PPARG: variants seen among roughly 807,000 people sequenced by gnomAD.
The protein encoded by PPARG is peroxisome proliferator activated receptor gamma.
In PPARG, 17 loss-of-function variants were observed where a neutral mutation model predicts 39.2. The ratio of observed to expected loss-of-function variants is 0.43; its 90% CI spans 0.30 to 0.65. The LOEUF is 0.65. PPARG is among the 30% of genes least tolerant of loss of function. PPARG has a pLI of 0.13. For synonymous variants in PPARG, 223 were observed against 215.7 expected, an observed-to-expected ratio of 1.03 and a Z score of -0.30; for missense variants, 406 against 585.9, an observed-to-expected ratio of 0.69 and a Z score of 3.17.
intron 6 of PPARG, among the ~76,000 whole-genome samples, chr3:12,414,437 A>G (rs1279303821): frequency 6.6e-6 from 1 of 152,174 alleles, no homozygotes; most frequent in Admixed American, 6.5e-5. Context: ...GGCAACATAC[A>G]TAGCAAGACC....
At chr3:12,328,726 C>T (rs1166778622) in intron 2 of PPARG, among the ~76,000 whole-genome samples, 1 of 152,246 alleles carries the variant, frequency 6.6e-6, no homozygotes, top group Non-Finnish European at 1.5e-5. Flanking sequence ...GGGATGGGCT[C>T]TTGCCCTCTT....
chr3:12,374,352 A>G (rs2049329851), intron 2 of PPARG, among the ~76,000 whole-genome samples: 1 of 152,144 alleles, frequency 6.6e-6, no homozygotes, highest in Admixed American at 6.5e-5. Flanking sequence ...TAATCCCAGC[A>G]CTTTGGGAGG....
intron 2 of PPARG, among the ~76,000 whole-genome samples, chr3:12,378,626 C>T (rs1414622174): frequency 6.6e-6 from 1 of 152,050 alleles, no homozygotes; most frequent in East Asian, 1.9e-4. Flanking sequence ...AAAAGTCGAA[C>T]TCATAAAAGC....
intron 1 of PPARG, among the ~76,000 whole-genome samples, chr3:12,290,898 T>C (rs1427800148): frequency 6.6e-6 from 1 of 152,180 alleles, no homozygotes; most frequent in Non-Finnish European, 1.5e-5. Context: ...TAAAATGACA[T>C]TTTCTGAATG....
chr3:12,340,088 C>G (rs183616222), intron 2 of PPARG, among the ~76,000 whole-genome samples: 1 of 152,334 alleles, frequency 6.6e-6, no homozygotes, highest in Admixed American at 6.5e-5. Context: ...ACTTCCCCTT[C>G]AGGCAGTACA....
At chr3:12,339,733 G>A (rs2048121564) in intron 2 of PPARG, among the ~76,000 whole-genome samples, 1 of 152,190 alleles carries the variant, frequency 6.6e-6, no homozygotes, top group African/African-American at 2.4e-5. Flanking sequence ...TGTAAAGAGG[G>A]TGTTAGTTTA....
chr3:12,409,038 A>G (rs2050781094), intron 6 of PPARG, among the ~76,000 whole-genome samples: 1 of 152,196 alleles, frequency 6.6e-6, no homozygotes. Context: ...GGGCTGCGAA[A>G]TGCTTGATTA....
chr3:12,287,855 C>T (rs1442376781), upstream of PPARG: 8 of 140,720 alleles, frequency 5.7e-5, no homozygotes, highest in Non-Finnish European at 1.3e-4. Context: ...CAGCCGGCGC[C>T]CGCGCCCGCC....
chr3:12,413,339 GT>G (rs2050944813), intron 6 of PPARG, among the ~76,000 whole-genome samples: 1 of 152,154 alleles, frequency 6.6e-6, no homozygotes, highest in African/African-American at 2.4e-5. Flanking sequence ...CACTCTTGCA[GT>G]TTGACAGATC....
chr3:12,398,464 A>G (rs555574857), intron 5 of PPARG, among the ~76,000 whole-genome samples: 41 of 152,356 alleles, frequency 2.7e-4, no homozygotes, highest in African/African-American at 8.9e-4. Context: ...ATTGTGTTAG[A>G]GATGCCTATA....
At chr3:12,308,343 C>CAAAAAAAA (rs57225468) in intron 1 of PPARG, among the ~76,000 whole-genome samples, 1 of 37,286 alleles carries the variant, frequency 2.7e-5, no homozygotes, top group Non-Finnish European at 4.7e-5. Flanking sequence ...GACCCTGTCT[C>CAAAAAAAA]AAAAAAAAAA....
chr3:12,309,856 C>A (rs979708266), intron 1 of PPARG, among the ~76,000 whole-genome samples: 18 of 152,182 alleles, frequency 1.2e-4, no homozygotes, highest in Non-Finnish European at 2.5e-4. Context: ...AGATGAACAG[C>A]CCCTGTCTAA....
chr3:12,323,150 AAAAT>A (rs1351970391), intron 2 of PPARG, among the ~76,000 whole-genome samples: 3 of 152,202 alleles, frequency 2.0e-5, no homozygotes, highest in Admixed American at 1.3e-4. Flanking sequence ...GACTGAATAA[AAAAT>A]AAAGAGGATG....
At chr3:12,398,686 C>A (rs1296386766) in intron 5 of PPARG, among the ~76,000 whole-genome samples, 1 of 152,036 alleles carries the variant, frequency 6.6e-6, no homozygotes, top group African/African-American at 2.4e-5. Context: ...CAGCAGGAAC[C>A]AGGACAAGAA....
chr3:12,346,696 G>A (rs1385035322), intron 2 of PPARG, among the ~76,000 whole-genome samples: 4 of 151,384 alleles, frequency 2.6e-5, no homozygotes, highest in Non-Finnish European at 5.9e-5. Context: ...GTGCAGTGAT[G>A]CGATTACAGC....
chr3:12,341,816 GA>G (rs138502109), intron 2 of PPARG, among the ~76,000 whole-genome samples: 18,743 of 151,484 alleles, frequency 0.12, 1,385 homozygotes, highest in East Asian at 0.29. Flanking sequence ...CTCAAAAAAA[GA>G]AAAAAAATTT....
chr3:12,366,789 T>G (rs1231578557), intron 2 of PPARG, among the ~76,000 whole-genome samples: 1 of 152,168 alleles, frequency 6.6e-6, no homozygotes, highest in Admixed American at 6.6e-5. Flanking sequence ...ATTATCGGAT[T>G]CAATTTGCTG....
intron 2 of PPARG, among the ~76,000 whole-genome samples, chr3:12,327,844 C>T (rs1242145849): frequency 6.6e-6 from 1 of 152,188 alleles, no homozygotes; most frequent in Non-Finnish European, 1.5e-5. Context: ...TTATGAGTGT[C>T]CTTTGTTATC....
chr3:12,327,388 T>C lies in PPARG; in HGVS notation c.-9+14935T>C, dbSNP rs2920501. Among the ~76,000 whole-genome samples, 276 of 152,348 alleles carry C rather than the reference T, an allele frequency of 1.8e-3. 1 individual carries two copies. The highest frequency in any genetic ancestry group is 6.8e-3 in the Middle Eastern group (2 of 294). ...TTAGATAATTTGAGCTCATGGCCTC[T>C]GGGCATTTGGTAAGAAGTCCAGTAA... is the stretch of plus-strand genomic sequence containing the variant. On this transcript the variant is annotated intron_variant, in intron 2 of 7. Transcript: ENST00000651735.
Sources: gnomAD v4.1 joint callset for allele counts (sites outside exome capture counted in the v4.1 genomes callset) on GRCh38, gnomAD v4.1.1 for gene constraint, MANE v1.5 for transcripts, NCBI Gene and HGNC (gene_info 2026-07-23, HGNC 2026-07-21) for gene names.